Variants in LRRC4C observed in about 807,000 individuals in gnomAD.
LRRC4C encodes leucine rich repeat containing 4C.
A neutral mutation model predicts 33.6 loss-of-function variants in LRRC4C; 5 were observed. The observed-to-expected ratio is 0.15, with a 90% CI of 0.08 to 0.31. The LOEUF (loss-of-function observed/expected upper bound fraction) is 0.31. LRRC4C is among the 10% of genes least tolerant of loss of function. The pLI, the probability that LRRC4C is intolerant of heterozygous loss-of-function variation, is 1.00. For synonymous variants in LRRC4C, 329 were observed against 302.0 expected (o/e 1.09, Z -0.93); for missense variants, 560 against 796.7 (o/e 0.70, Z 3.58).
At chr11:40,304,421 T>C (rs1484623380) in intron 4 of LRRC4C, among the ~76,000 whole-genome samples, 1 of 152,180 alleles carries the variant, frequency 6.6e-6, no homozygotes, top group African/African-American at 2.4e-5. Context: ...ACCCACTGAT[T>C]GACTGAAGTG....
intron 3 of LRRC4C, among the ~76,000 whole-genome samples, chr11:40,361,545 C>T (rs1363682863): frequency 6.6e-6 from 1 of 152,040 alleles, no homozygotes; most frequent in African/African-American, 2.4e-5. Flanking sequence ...TACAGCTAAC[C>T]AGGGAGGTGA....
At chr11:40,213,903 G>C (rs1225812099) in intron 5 of LRRC4C, among the ~76,000 whole-genome samples, 1 of 151,934 alleles carries the variant, frequency 6.6e-6, no homozygotes, top group Non-Finnish European at 1.5e-5. Flanking sequence ...ATGGTAGATC[G>C]TATGATCCCA....
In LRRC4C at chr11:40,779,933, A is replaced by G. The variant is rs1364873289; in HGVS notation, c.-406-131655T>C. ...AATGGTTGTACCAATTTATCATGGC[A>G]ATACCACAACATCAATGTGATGTAA... is the stretch of plus-strand genomic sequence containing the variant. On this transcript the variant is annotated intron_variant, in intron 2 of 6. Coordinates refer to ENST00000528697, the MANE Select transcript of LRRC4C (RefSeq NM_001258419.2). Among the ~76,000 whole-genome samples the G allele has an allele frequency of 2.0e-5, 3 of 152,190 alleles. No individual in the cohort carries two copies. In the East Asian group the frequency reaches 5.8e-4, roughly 29 times the overall value.
intron 1 of LRRC4C, among the ~76,000 whole-genome samples, chr11:41,216,273 A>T (rs1185859960): frequency 6.6e-6 from 1 of 152,166 alleles, no homozygotes; most frequent in Non-Finnish European, 1.5e-5. Context: ...ACACAGACAC[A>T]ATAGAGCGGT....
chr11:40,993,299 A>G (rs1853717977), intron 1 of LRRC4C, among the ~76,000 whole-genome samples: 1 of 152,144 alleles, frequency 6.6e-6, no homozygotes, highest in Non-Finnish European at 1.5e-5. Context: ...AAGTTTGCTT[A>G]ATTATCAAAT....
At chr11:40,859,873 G>C (rs1466347908) in intron 2 of LRRC4C, among the ~76,000 whole-genome samples, 4 of 151,966 alleles carry the variant, frequency 2.6e-5, no homozygotes, top group Non-Finnish European at 5.9e-5. Context: ...TCAGGAGATC[G>C]AGACCATCCT....
At chr11:41,373,288 A>T (rs976448558) in intron 1 of LRRC4C, among the ~76,000 whole-genome samples, 3 of 152,184 alleles carry the variant, frequency 2.0e-5, no homozygotes, top group Non-Finnish European at 4.4e-5. Flanking sequence ...TTTTAAAATA[A>T]CTACGTTTAG....
chr11:41,172,118 T>C (rs1945003219), intron 1 of LRRC4C, among the ~76,000 whole-genome samples: 1 of 152,080 alleles, frequency 6.6e-6, no homozygotes, highest in African/African-American at 2.4e-5. Flanking sequence ...TAACAAAGGG[T>C]GGCGGAGGGA....
At chr11:40,252,995 T>C (rs1030435540) in intron 4 of LRRC4C, among the ~76,000 whole-genome samples, 31 of 152,208 alleles carry the variant, frequency 2.0e-4, no homozygotes, top group Non-Finnish European at 4.3e-4. Context: ...GGGTGACATC[T>C]TAGAGACGTC....
At chr11:40,990,031 T>C (rs1853399252) in intron 1 of LRRC4C, among the ~76,000 whole-genome samples, 1 of 151,112 alleles carries the variant, frequency 6.6e-6, no homozygotes, top group South Asian at 2.1e-4. Flanking sequence ...ATCTTATTTA[T>C]ATAAGGGGCT....
intron 1 of LRRC4C, among the ~76,000 whole-genome samples, chr11:40,999,158 A>G (rs1452127246): frequency 1.3e-5 from 2 of 152,090 alleles, no homozygotes; most frequent in Non-Finnish European, 2.9e-5. Flanking sequence ...TGACACGTCA[A>G]TAAAGCTGTC....
At chr11:40,725,763 G>C (rs1947262657) in intron 2 of LRRC4C, among the ~76,000 whole-genome samples, 1 of 152,020 alleles carries the variant, frequency 6.6e-6, no homozygotes, top group East Asian at 1.9e-4. Context: ...TCTCATCTCA[G>C]CTTTTTAAAA....
chr11:40,916,395 T>A (rs1956959423), intron 2 of LRRC4C, among the ~76,000 whole-genome samples: 1 of 152,132 alleles, frequency 6.6e-6, no homozygotes, highest in Non-Finnish European at 1.5e-5. Context: ...ATGTCCTTTG[T>A]AGGGACATGG....
chr11:40,862,029 A>G (rs969733038), intron 2 of LRRC4C, among the ~76,000 whole-genome samples: 8 of 152,164 alleles, frequency 5.3e-5, no homozygotes, highest in African/African-American at 1.9e-4. Context: ...AAAATATTCA[A>G]ACCATATCAG....
intron 3 of LRRC4C, among the ~76,000 whole-genome samples, chr11:40,516,176 A>G (rs1264383001): frequency 6.6e-6 from 1 of 152,086 alleles, no homozygotes; most frequent in Non-Finnish European, 1.5e-5. Flanking sequence ...AGTGCTGTTA[A>G]CTTCCATTGG....
At chr11:40,398,907 T>C (rs1565349956) in intron 3 of LRRC4C, among the ~76,000 whole-genome samples, 1 of 152,154 alleles carries the variant, frequency 6.6e-6, no homozygotes, top group African/African-American at 2.4e-5. Flanking sequence ...GTACCTAATT[T>C]CAATTTGTAA....
intron 1 of LRRC4C, among the ~76,000 whole-genome samples, chr11:41,342,544 G>A (rs867456614): frequency 4.6e-5 from 7 of 152,024 alleles, no homozygotes; most frequent in South Asian, 2.1e-4. Flanking sequence ...GCAAAACCCC[G>A]TGTCTACTAA....
At chr11:41,100,750 A>G (rs1836654306) in intron 1 of LRRC4C, among the ~76,000 whole-genome samples, 2 of 152,112 alleles carry the variant, frequency 1.3e-5, no homozygotes, top group Admixed American at 1.3e-4. Context: ...CCTAAGCAAA[A>G]AGAACAAAGC....
intron 2 of LRRC4C, among the ~76,000 whole-genome samples, chr11:40,725,581 T>C (rs1247334338): frequency 6.6e-6 from 1 of 152,070 alleles, no homozygotes; most frequent in African/African-American, 2.4e-5. Context: ...GACTCCAGCA[T>C]TGATCTTTCA....
Sources: allele counts gnomAD v4.1 joint callset (sites outside exome capture counted in the v4.1 genomes callset), GRCh38; gene constraint gnomAD v4.1.1; transcripts MANE v1.5; gene names NCBI Gene and HGNC (gene_info 2026-07-23, HGNC 2026-07-21).